The following PSMD9 variants were observed in gnomAD, a reference collection of about 807,000 sequenced individuals.
PSMD9 encodes proteasome 26S subunit, non-ATPase 9, also known as 26S proteasome non-ATPase regulatory subunit 9.
A neutral mutation model predicts 25.9 loss-of-function variants in PSMD9; 26 were observed. That is an observed-to-expected ratio of 1.00 (90% CI 0.73 to 1.39). PSMD9 has a LOEUF of 1.39. Ranked by LOEUF, PSMD9 falls within the 40% of genes most tolerant of loss-of-function variation. The probability of loss-of-function intolerance (pLI) is 0.00; values close to 1 mark genes in which losing one functional copy is unlikely to be tolerated. For synonymous variants in PSMD9, 110 were observed against 114.5 expected (o/e 0.96, Z 0.25); for missense variants, 303 against 299.3 (o/e 1.01, Z -0.09).
chr12:121,902,936 T>C, intron 3 of PSMD9, 70 bp from the exon 4 acceptor site: 1 of 1,273,266 alleles, frequency 7.9e-7, no homozygotes, highest in South Asian at 1.2e-5. Context: ...AATTGGGTAT[T>C]GAAGGTTAGA....
chr12:121,917,535 C>G lies in PSMD9; in HGVS notation c.*1224C>G, dbSNP rs2135736482. The G allele has an allele frequency of 1.3e-5, 2 of 152,340 alleles. No homozygotes were observed. The highest frequency in any genetic ancestry group is 2.9e-5 in the Non-Finnish European group (2 of 68,038). 9.4% of individuals were successfully genotyped at this position (152,340 alleles called of 1,614,324 possible). ...TCATTTCCCCAGTTCTTGCACACCG[C>G]TTTCTGTTTTGGCAGTTCTGCCAGG... is the stretch of plus-strand genomic sequence containing the variant. On this transcript the variant is annotated 3_prime_UTR_variant, in exon 6 of 6. Coordinates refer to ENST00000541212, the MANE Select transcript of PSMD9 (RefSeq NM_002813.7).
chr12:121,910,590 A>G (rs531237956), intron 4 of PSMD9, among the ~76,000 whole-genome samples: 10 of 151,478 alleles, frequency 6.6e-5, no homozygotes, highest in Admixed American at 1.3e-4. Flanking sequence ...GTGAAACCCT[A>G]TCTCTACTAA....
intron 3 of PSMD9, among the ~76,000 whole-genome samples, chr12:121,901,666 CTTTTTTTTTTTTT>C (rs563939839): frequency 4.2e-4 from 39 of 93,582 alleles, no homozygotes; most frequent in South Asian, 3.1e-3. Context: ...TTCATTCCTT[CTTTTTTTTTTTTT>C]TTTTTTTTTT....
intron 2 of PSMD9, among the ~76,000 whole-genome samples, chr12:121,896,118 C>T (rs1330128383): frequency 1.4e-5 from 2 of 147,392 alleles, no homozygotes; most frequent in Admixed American, 6.8e-5. Flanking sequence ...AGCAAGAGAC[C>T]GTCTCAAAAA....
At chr12:121,891,901 C>CAAAAAA (rs33982940) in intron 1 of PSMD9, among the ~76,000 whole-genome samples, 10 of 74,318 alleles carry the variant, frequency 1.3e-4, no homozygotes, top group South Asian at 5.0e-4. Flanking sequence ...GATTCCATCT[C>CAAAAAA]AAAAAAAAAA....
At chr12:121,904,761 G>A in intron 4 of PSMD9, among the ~76,000 whole-genome samples, 1 of 148,806 alleles carries the variant, frequency 6.7e-6, no homozygotes. Flanking sequence ...AGGTTCAAGT[G>A]ATTCTCCTGC....
chr12:121,896,536 A>G (rs972570690), intron 2 of PSMD9, among the ~76,000 whole-genome samples: 1 of 149,974 alleles, frequency 6.7e-6, no homozygotes, highest in Non-Finnish European at 1.5e-5. Flanking sequence ...ATAGATTTAC[A>G]TAAAAATTGG....
chr12:121,902,798 C>G lies in PSMD9; in HGVS notation c.454-208C>G, dbSNP rs555674930. 128 of 509,532 alleles carry G rather than the reference C, an allele frequency of 2.5e-4. 2 individuals are homozygous for G. Among genetic ancestry groups the G allele is most frequent in the South Asian group, 2.5e-3 (124 of 49,662 alleles). 31.6% of individuals were successfully genotyped at this position (509,532 alleles called of 1,614,324 possible). ...GACCTGGTCATCTTTACTAGAGCTG[C>G]CCTCAAAGGAACCCCAGGAGGAGGT... On this transcript the variant is annotated intron_variant, in intron 3 of 5. Transcript: ENST00000541212.
At chr12:121,906,053 G>C (rs912715642) in intron 4 of PSMD9, among the ~76,000 whole-genome samples, 21 of 150,310 alleles carry the variant, frequency 1.4e-4, no homozygotes, top group Admixed American at 1.1e-3. Flanking sequence ...TGTCTGTTGT[G>C]TGGATCTGTG....
intron 2 of PSMD9, 96 bp downstream of exon 2, chr12:121,894,937 C>T (rs1427741914): frequency 4.8e-6 from 5 of 1,052,350 alleles, no homozygotes; most frequent in Non-Finnish European, 7.1e-6. Flanking sequence ...CTACTGCCTT[C>T]TCTTCTGCCT....
intron 1 of PSMD9, 66 bp downstream of exon 1, chr12:121,889,060 G>A (rs915707782): frequency 6.6e-7 from 1 of 1,521,116 alleles, no homozygotes; most frequent in Non-Finnish European, 8.9e-7. Flanking sequence ...GTACTGGGAT[G>A]CCAGGGCGGC....
At chr12:121,904,218 T>C (rs2135726343) in intron 4 of PSMD9, among the ~76,000 whole-genome samples, 1 of 152,220 alleles carries the variant, frequency 6.6e-6, no homozygotes, top group East Asian at 1.9e-4. Context: ...ATTTATCAGT[T>C]TTTTTGCTTA....
In PSMD9 at chr12:121,916,688, C is replaced by T. The variant is rs1879914581; in HGVS notation, c.*377C>T. The T allele has an allele frequency of 4.6e-6, 1 of 215,894 alleles. No homozygotes were observed. Among genetic ancestry groups the T allele is most frequent in the Non-Finnish European group, 9.4e-6 (1 of 106,816 alleles). 13.4% of individuals were successfully genotyped at this position (215,894 alleles called of 1,614,324 possible). A position where few individuals can be genotyped will look rare whatever the true frequency, so the allele number is the denominator to read the frequency against. ...TGAATTTCTTATGACCCTCCCAAAC[C>T]AAAGCTCAGATGGGGTCAGAAGAGC... On this transcript the variant is annotated 3_prime_UTR_variant, in exon 6 of 6. Coordinates refer to ENST00000541212, the MANE Select transcript of PSMD9 (RefSeq NM_002813.7).
intron 4 of PSMD9, among the ~76,000 whole-genome samples, chr12:121,905,063 C>T (rs1879514290): frequency 6.6e-6 from 1 of 151,850 alleles, no homozygotes; most frequent in South Asian, 2.1e-4. Flanking sequence ...ATCACTTCTC[C>T]TCCTGAGGCA....
chr12:121,890,668 A>G (rs1469826950), intron 1 of PSMD9, among the ~76,000 whole-genome samples: 2 of 151,784 alleles, frequency 1.3e-5, no homozygotes, highest in African/African-American at 4.8e-5. Flanking sequence ...GGGTCTCACT[A>G]TGTTGCTTGC....
chr12:121,899,615 T>G lies in PSMD9; in HGVS notation c.242-19T>G, dbSNP rs766578757. ...CTCCACTGTCTTCCTTGGCCCCTGATGTGTGGTTCTCATCCCAGGCCTGCA... is the reference window on the plus strand; with the variant it reads ...CTCCACTGTCTTCCTTGGCCCCTGAGGTGTGGTTCTCATCCCAGGCCTGCA... On this transcript the variant is annotated intron_variant, in intron 2 of 5. Coordinates refer to ENST00000541212, the MANE Select transcript of PSMD9 (RefSeq NM_002813.7). The G allele has an allele frequency of 3.2e-6, 5 of 1,579,316 alleles. 1 individual carries two copies. The South Asian group carries it at 5.7e-5, about 18-fold the overall frequency.
chr12:121,912,741 C>G (rs1377179353), intron 4 of PSMD9, among the ~76,000 whole-genome samples: 1 of 151,488 alleles, frequency 6.6e-6, no homozygotes, highest in Non-Finnish European at 1.5e-5. Context: ...AGGATTGTGC[C>G]TGTAGTCACA....
At chr12:121,897,036 T>A (rs891849724) in intron 2 of PSMD9, among the ~76,000 whole-genome samples, 2 of 152,082 alleles carry the variant, frequency 1.3e-5, no homozygotes, top group Non-Finnish European at 2.9e-5. Flanking sequence ...AATACACATA[T>A]GAGTGAATGA....
intron 4 of PSMD9, among the ~76,000 whole-genome samples, chr12:121,906,664 AT>A: frequency 7.7e-6 from 1 of 129,192 alleles, no homozygotes; most frequent in Non-Finnish European, 1.7e-5. Flanking sequence ...AAAAAAAAAA[AT>A]TATCTGGGTG....
Sources: gnomAD v4.1 joint callset for allele counts (sites outside exome capture counted in the v4.1 genomes callset) on GRCh38, gnomAD v4.1.1 for gene constraint, MANE v1.5 for transcripts, NCBI Gene and HGNC (gene_info 2026-07-23, HGNC 2026-07-21) for gene names.